Variants in GAK observed in about 807,000 individuals in gnomAD.
GAK encodes cyclin G associated kinase, also known as cyclin-G-associated kinase.
Under a neutral mutation model 143.9 loss-of-function variants are expected in GAK, and 79 were observed. The ratio of observed to expected loss-of-function variants is 0.55; its 90% CI spans 0.46 to 0.66. GAK has a LOEUF of 0.66. Among genes scored for constraint, GAK ranks in the 30% least tolerant of loss-of-function variants. GAK has a pLI of 0.00. For synonymous variants in GAK, 881 were observed against 765.5 expected (o/e 1.15, Z -2.49); for missense variants, 1,693 against 1,779.7 (o/e 0.95, Z 0.88).
intron 1 of GAK, among the ~76,000 whole-genome samples, chr4:920,825 A>G (rs904686310): frequency 1.3e-5 from 2 of 152,106 alleles, no homozygotes; most frequent in African/African-American, 2.4e-5. Flanking sequence ...TACAGGTGTG[A>G]GCCACCATGC....
In GAK at chr4:885,177, A is replaced by C. The variant is rs1716046522; in HGVS notation, c.1206-1091T>G. Among the ~76,000 whole-genome samples, 4 of 152,246 alleles carry C rather than the reference A, an allele frequency of 2.6e-5. 1 individual carries two copies. In the South Asian group the frequency reaches 8.3e-4, roughly 32 times the overall value. ...GGGTCTTCCAAAGCAACAAGGGAAGACGGGGAGGCACGGTGAGCCTGACGC... is the reference window on the plus strand; with the variant it reads ...GGGTCTTCCAAAGCAACAAGGGAAGCCGGGGAGGCACGGTGAGCCTGACGC... On this transcript the variant is annotated intron_variant, in intron 11 of 27. Transcript: ENST00000314167.
chr4:884,462 G>A, intron 11 of GAK: 1 of 244,084 alleles, frequency 4.1e-6, no homozygotes, highest in South Asian at 4.9e-5. Context: ...AGGGTGGCTT[G>A]GACGATGGTC....
chr4:881,263 C>T (rs1008441944), intron 15 of GAK, among the ~76,000 whole-genome samples: 1 of 152,206 alleles, frequency 6.6e-6, no homozygotes, highest in South Asian at 2.1e-4. Flanking sequence ...CTCTGTGGTC[C>T]AGGTCAAGAC....
At chr4:864,189 T>G (rs1750744307) in intron 23 of GAK, among the ~76,000 whole-genome samples, 2 of 151,718 alleles carry the variant, frequency 1.3e-5, no homozygotes, top group Admixed American at 1.3e-4. Flanking sequence ...CAAAACTTTG[T>G]CTCCACAAAA....
At chr4:859,459 T>A (rs1298197348) in intron 24 of GAK, 147 bp downstream of exon 24, 1 of 1,598,382 alleles carries the variant, frequency 6.3e-7, no homozygotes, top group Non-Finnish European at 8.5e-7. Flanking sequence ...AGACACGCTG[T>A]CCCCTTGGGC....
intron 24 of GAK, among the ~76,000 whole-genome samples, chr4:854,058 A>G (rs891788310): frequency 6.6e-6 from 1 of 150,376 alleles, no homozygotes; most frequent in Non-Finnish European, 1.5e-5. Context: ...TCAGCCTCCC[A>G]AAGTGCTGGG....
At position 867,325 on chromosome 4, in the gene GAK, G is replaced by C; in HGVS notation, c.2503C>G (p.Pro835Ala). 2.5e-6 allele frequency: 4 copies of C among 1,610,720 alleles called. No individual in the cohort carries two copies. Among genetic ancestry groups the C allele is most frequent in the Non-Finnish European group, 3.4e-6 (4 of 1,178,098 alleles). ...ESEVSDEGGSPISSEGQEPRA... is the reference protein window; with the variant it reads ...ESEVSDEGGSAISSEGQEPRA... ...GGTTCCTGGCCCTCGCTGGAGATCG[G>C]GGATCCCCCTTCATCTGACACCTCA... Residue 835 changes from proline to alanine, a missense_variant, in exon 21 of 28, where the codon CCG (proline) becomes GCG (alanine). Physicochemically the swap from Pro to Ala is conservative, Grantham distance 27 (BLOSUM62 -1). Transcript: ENST00000314167.
At position 859,862 on chromosome 4, in the gene GAK, G is replaced by A. The variant is rs547030862; in HGVS notation, c.3167-140C>T. 3.1e-5 allele frequency: 20 copies of A among 650,574 alleles called. 1 individual carries two copies. Among genetic ancestry groups the A allele is most frequent in the South Asian group, 3.9e-5 (2 of 51,458 alleles). The allele number at this position is 650,574 out of a possible 1,614,324, so 40.3% of individuals were successfully genotyped here. A position where few individuals can be genotyped will look rare whatever the true frequency, so the allele number is the denominator to read the frequency against. Reference sequence around the variant, plus strand: ...TGGCACCTGCATGGCTTGCGTGCACGAGACCAGCCAGGACAGAGGTGTGTG... The same window carrying A: ...TGGCACCTGCATGGCTTGCGTGCACAAGACCAGCCAGGACAGAGGTGTGTG... On this transcript the variant is annotated intron_variant, in intron 23 of 27. Coordinates refer to ENST00000314167, the MANE Select transcript of GAK (RefSeq NM_005255.4).
intron 7 of GAK, chr4:894,977 T>TGAAA (rs1718482137): frequency 9.0e-6 from 1 of 111,410 alleles, no homozygotes; most frequent in African/African-American, 4.2e-5. Flanking sequence ...AGACTCTGTC[T>TGAAA]CAAATAAATA....
chr4:928,338 G>A (rs992693810), intron 1 of GAK, among the ~76,000 whole-genome samples: 11 of 152,218 alleles, frequency 7.2e-5, no homozygotes, highest in Admixed American at 3.3e-4. Context: ...GATTACAGGC[G>A]TGAGCCGTCG....
chr4:883,550 C>T (rs1715611160), intron 12 of GAK, 87 bp from the exon 13 acceptor site: 1 of 1,498,580 alleles, frequency 6.7e-7, no homozygotes, highest in Non-Finnish European at 9.1e-7. Context: ...CCTGACGCCC[C>T]CGGGCAAGCG....
At chr4:877,511 G>T (rs1187106039) in intron 16 of GAK, 104 bp downstream of exon 16, 1 of 1,216,764 alleles carries the variant, frequency 8.2e-7, no homozygotes, top group Admixed American at 2.7e-5. Context: ...AAACACGTCC[G>T]CCTCAGCAAG....
Position 898,096 on chromosome 4 carries a change from C to G in GAK, c.588G>C (p.Thr196=). 6.2e-7 allele frequency: 1 copy of G among 1,614,132 alleles called. No homozygotes were observed. Residue 196 remains threonine (T), a synonymous_variant, in exon 6 of 28, where the codon ACG becomes ACC. Coordinates refer to ENST00000314167, the MANE Select transcript of GAK (RefSeq NM_005255.4). ...TGTAGTCAGGGTAGTGCGAGATGGT[C>G]GTGGCACTGCCAAAGTCACACAGCT... is the stretch of plus-strand genomic sequence containing the variant. ...TIKLCDFGSA[T]TISHYPDYSW... is the part of the protein sequence containing the mutation.
rs368729290 is a variant in GAK, at chr4:913,850, A to C, written c.146-182T>G. On this transcript the variant is annotated intron_variant, in intron 1 of 27. Coordinates refer to ENST00000314167, the MANE Select transcript of GAK (RefSeq NM_005255.4). ...ACACAGCCCCAGCATACATGCCCCC[A>C]CACACACAGCCCCAGCGTGCACGGC... 2,605 of 417,454 alleles carry C rather than the reference A, an allele frequency of 6.2e-3. 114 individuals are homozygous for C. Among genetic ancestry groups the C allele is most frequent in the South Asian group, 0.048 (2,395 of 49,382 alleles). 25.9% of individuals were successfully genotyped at this position (417,454 alleles called of 1,614,324 possible).
chr4:868,588 T>C lies in GAK; in HGVS notation c.2346A>G (p.Pro782=), dbSNP rs1385087455. The C allele has an allele frequency of 1.9e-6, 3 of 1,604,380 alleles. No homozygotes were observed. In the South Asian group the frequency reaches 3.4e-5, roughly 18 times the overall value. Residue 782 remains proline, a synonymous_variant, in exon 20 of 28, where the codon CCA becomes CCG. Coordinates refer to ENST00000314167, the MANE Select transcript of GAK (RefSeq NM_005255.4). ...EAEPTDSDSP[P]SSSADASRFL... ...AGCGACTGGCGTCCGCGCTGCTGCT[T>C]GGCGGTGAGTCAGAGTCTGTGGGTT...
intron 1 of GAK, among the ~76,000 whole-genome samples, chr4:929,238 G>A (rs1404793826): frequency 2.0e-5 from 3 of 152,234 alleles, no homozygotes; most frequent in African/African-American, 7.2e-5. Flanking sequence ...CAGCCACTCA[G>A]CTAACACTGC....
intron 1 of GAK, among the ~76,000 whole-genome samples, chr4:926,557 A>C (rs1724780082): frequency 6.6e-6 from 1 of 152,320 alleles, no homozygotes; most frequent in Admixed American, 6.5e-5. Flanking sequence ...AGGACCACAC[A>C]ATCCACATAA....
chr4:860,799 G>A (rs891238634), intron 23 of GAK, among the ~76,000 whole-genome samples: 11 of 151,820 alleles, frequency 7.2e-5, no homozygotes, highest in Non-Finnish European at 1.5e-5. Context: ...CTGTGCACTC[G>A]AGGGGACGGG....
At chr4:862,294 G>C (rs1750431842) in intron 23 of GAK, among the ~76,000 whole-genome samples, 1 of 152,122 alleles carries the variant, frequency 6.6e-6, no homozygotes, top group Non-Finnish European at 1.5e-5. Flanking sequence ...CTAAGATCCG[G>C]CTGAGACCAC....
Sources: allele counts gnomAD v4.1 joint callset (sites outside exome capture counted in the v4.1 genomes callset), GRCh38; gene constraint gnomAD v4.1.1; transcripts MANE v1.5; gene names NCBI Gene and HGNC (gene_info 2026-07-23, HGNC 2026-07-21).